Variants in LCORL observed in about 807,000 individuals in gnomAD.
LCORL encodes the protein ligand-dependent nuclear receptor corepressor-like protein.
A neutral mutation model predicts 141.8 loss-of-function variants in LCORL; 41 were observed. The observed-to-expected ratio is 0.29, with a 90% CI of 0.23 to 0.38. The LOEUF (loss-of-function observed/expected upper bound fraction) is 0.38. Among genes scored for constraint, LCORL ranks in the 10% least tolerant of loss-of-function variants. The pLI, the probability that LCORL is intolerant of heterozygous loss-of-function variation, is 1.00. For missense variants in LCORL, 1,759 were observed against 2,035.0 expected (o/e 0.86, Z 2.61); for synonymous variants, 618 against 694.1 (o/e 0.89, Z 1.72).
chr4:18,018,071 T>A (rs1724893525), intron 1 of LCORL, among the ~76,000 whole-genome samples: 1 of 152,102 alleles, frequency 6.6e-6, no homozygotes, highest in Admixed American at 6.5e-5. Context: ...TGAAATTACA[T>A]CAAAATACAA....
intron 5 of LCORL, among the ~76,000 whole-genome samples, chr4:17,889,863 T>C (rs1728836522): frequency 6.6e-6 from 1 of 152,044 alleles, no homozygotes; most frequent in Non-Finnish European, 1.5e-5. Context: ...AGTACTAAAA[T>C]TAACTCTAAA....
At position 17,884,606 on chromosome 4, in the gene LCORL, A is replaced by G. The variant is rs1287989422; in HGVS notation, c.776+1462T>C. On this transcript the variant is annotated intron_variant, in intron 6 of 7. Transcript: ENST00000635767. This position sits in a 1 kb window ranked among gnomAD's most constrained non-coding sequence, Gnocchi z 4.4. ...TGGTAAGGCTTCTAAGTGAAGAAGT[A>G]AAGTTTTTTGAGGTATGCCATAAAG... is the stretch of plus-strand genomic sequence containing the variant. 3 of 1,546,400 alleles carry G rather than the reference A, an allele frequency of 1.9e-6. No individual in the cohort carries two copies. The highest frequency in any genetic ancestry group is 2.6e-6 in the Non-Finnish European group (3 of 1,145,200).
At chr4:17,895,890 G>T (rs1560304427) in intron 5 of LCORL, among the ~76,000 whole-genome samples, 1 of 152,072 alleles carries the variant, frequency 6.6e-6, no homozygotes, top group Non-Finnish European at 1.5e-5. Flanking sequence ...TTCTATTGTT[G>T]AATACTATTC....
At chr4:17,848,319 G>A (rs1723178916) in intron 7 of LCORL, among the ~76,000 whole-genome samples, 1 of 152,174 alleles carries the variant, frequency 6.6e-6, no homozygotes, top group South Asian at 2.1e-4. Context: ...GGAACCAGGG[G>A]CATTAGAACA....
intron 7 of LCORL, among the ~76,000 whole-genome samples, chr4:17,860,784 G>A (rs1475246967): frequency 6.6e-6 from 1 of 152,206 alleles, no homozygotes; most frequent in Non-Finnish European, 1.5e-5. Context: ...AGTAAATACA[G>A]CCATTCCAAA....
intron 5 of LCORL, among the ~76,000 whole-genome samples, chr4:17,888,176 T>C (rs952858969): frequency 6.6e-6 from 1 of 152,084 alleles, no homozygotes; most frequent in African/African-American, 2.4e-5. Context: ...ATACAATAAG[T>C]ATTCAATAAA....
exon 7 of LCORL, chr4:17,873,964 T>C (rs1726646897): frequency 6.5e-6 from 8 of 1,234,014 alleles, no homozygotes; most frequent in Non-Finnish European, 8.1e-6. Context: ...AAGTCAGGCA[T>C]TACTACCCTC....
chr4:17,925,827 C>T (rs933860734), intron 4 of LCORL, among the ~76,000 whole-genome samples: 18 of 141,944 alleles, frequency 1.3e-4, no homozygotes, highest in African/African-American at 4.6e-4. Context: ...GCTGAGATTG[C>T]GCCACTGCAC....
chr4:18,019,050 C>A (rs1302963382), intron 1 of LCORL, among the ~76,000 whole-genome samples: 1 of 152,072 alleles, frequency 6.6e-6, no homozygotes, highest in Non-Finnish European at 1.5e-5. Context: ...GTGCTTAACA[C>A]CTAAGATGCT....
intron 1 of LCORL, among the ~76,000 whole-genome samples, chr4:18,001,941 A>G (rs1163659697): frequency 6.6e-6 from 1 of 152,202 alleles, no homozygotes; most frequent in African/African-American, 2.4e-5. Flanking sequence ...ACACACATCT[A>G]TATATCTATG....
chr4:17,923,265 C>G (rs1255467089), intron 4 of LCORL, among the ~76,000 whole-genome samples: 4 of 152,182 alleles, frequency 2.6e-5, no homozygotes, highest in Admixed American at 1.3e-4. Context: ...GCTCACTAAG[C>G]AGGAATTCTG....
At chr4:17,958,157 C>T (rs1421787556) in intron 4 of LCORL, among the ~76,000 whole-genome samples, 1 of 151,726 alleles carries the variant, frequency 6.6e-6, no homozygotes. Flanking sequence ...ACCTGGCTAT[C>T]AATTAACTTA....
chr4:17,960,801 G>C (rs1031459922), intron 4 of LCORL, among the ~76,000 whole-genome samples: 5 of 151,960 alleles, frequency 3.3e-5, no homozygotes, highest in African/African-American at 1.2e-4. Flanking sequence ...AAAAAGATTT[G>C]ATTTTTAAAG....
intron 4 of LCORL, among the ~76,000 whole-genome samples, chr4:17,938,419 T>C (rs566723500): frequency 2.4e-5 from 2 of 82,186 alleles, no homozygotes; most frequent in South Asian, 4.6e-4. Flanking sequence ...GTTTCTTTCT[T>C]TTTTTTTTTT....
At chr4:17,845,852 T>C (rs773284818) in exon 8 of LCORL, 1 of 1,613,452 alleles carries the variant, frequency 6.2e-7, no homozygotes, top group Non-Finnish European at 8.5e-7. Context: ...CAACTTGCTG[T>C]ATTCTCATCA....
intron 7 of LCORL, among the ~76,000 whole-genome samples, chr4:17,851,662 T>C (rs1723730490): frequency 6.6e-6 from 1 of 152,240 alleles, no homozygotes; most frequent in African/African-American, 2.4e-5. Context: ...TTGAATATTC[T>C]TGCATGTGTT....
intron 2 of LCORL, among the ~76,000 whole-genome samples, chr4:17,971,548 G>C (rs7661129): frequency 0.25 from 36,743 of 149,508 alleles, 5,811 homozygotes; most frequent in African/African-American, 0.45. Flanking sequence ...TTATTTTCTT[G>C]TGATACCTAA....
At chr4:17,895,845 T>A (rs571391056) in intron 5 of LCORL, among the ~76,000 whole-genome samples, 2 of 152,344 alleles carry the variant, frequency 1.3e-5, no homozygotes, top group African/African-American at 2.4e-5. Context: ...ACAATGTTTT[T>A]AAGGTTCACT....
chr4:18,001,455 A>T (rs1372461643), intron 1 of LCORL, among the ~76,000 whole-genome samples: 1 of 152,206 alleles, frequency 6.6e-6, no homozygotes, highest in Admixed American at 6.5e-5. Context: ...TTATAAATTT[A>T]AGGCTTTATC....
Sources: allele counts gnomAD v4.1 joint callset (sites outside exome capture counted in the v4.1 genomes callset), GRCh38; gene constraint gnomAD v4.1.1; non-coding constraint Gnocchi (gnomAD v3.1); transcripts MANE v1.5; gene names NCBI Gene and HGNC (gene_info 2026-07-23, HGNC 2026-07-21).